Variants in AGAP1 observed in about 807,000 individuals in gnomAD.
The protein encoded by AGAP1 is ArfGAP with GTPase domain, ankyrin repeat and PH domain 1.
AGAP1 carries 29 observed loss-of-function variants against 105.3 expected under a neutral mutation model. The ratio of observed to expected loss-of-function variants is 0.28; its 90% CI spans 0.21 to 0.38. The LOEUF (loss-of-function observed/expected upper bound fraction) is 0.38, where lower values mean the gene tolerates loss of function less well. Among genes scored for constraint, AGAP1 ranks in the 10% least tolerant of loss-of-function variants. The pLI, the probability that AGAP1 is intolerant of heterozygous loss-of-function variation, is 1.00. For missense variants in AGAP1, 998 were observed against 1,165.1 expected, an observed-to-expected ratio of 0.86 and a Z score of 2.09; for synonymous variants, 509 against 485.9, an observed-to-expected ratio of 1.05 and a Z score of -0.63.
rs1403460916 is a variant in AGAP1, at chr2:236,082,297, A to G, written c.2114+33016A>G. Among the ~76,000 whole-genome samples the G allele has an allele frequency of 2.6e-5, 4 of 152,220 alleles. No homozygotes were observed. The highest frequency in any genetic ancestry group is 2.0e-4 in the Admixed American group (3 of 15,280). ...TTGCACTGCGGTTAATTATGGAGCAATCAAACCTTGGCTTTTCCACTGTAA... is the reference window on the plus strand; with the variant it reads ...TTGCACTGCGGTTAATTATGGAGCAGTCAAACCTTGGCTTTTCCACTGTAA... On this transcript the variant is annotated intron_variant, in intron 16 of 17. Coordinates refer to ENST00000304032, the MANE Select transcript of AGAP1 (RefSeq NM_001037131.3). The surrounding 1 kb of genome is among the most constrained non-coding windows in gnomAD (Gnocchi z 4.2).
At chr2:235,616,168 C>T (rs980131942) in intron 1 of AGAP1, among the ~76,000 whole-genome samples, 7 of 152,066 alleles carry the variant, frequency 4.6e-5, no homozygotes, top group Admixed American at 3.3e-4. Context: ...CAAGACCATC[C>T]TGGCCAACAT....
chr2:235,764,800 C>T (rs1210165074), intron 6 of AGAP1, among the ~76,000 whole-genome samples: 1 of 32,300 alleles, frequency 3.1e-5, no homozygotes. Context: ...TGGGAGCGTC[C>T]GTGGGGTTGG....
chr2:235,903,871 A>G (rs1244342670), intron 10 of AGAP1, among the ~76,000 whole-genome samples: 2 of 152,146 alleles, frequency 1.3e-5, no homozygotes, highest in East Asian at 1.9e-4. Context: ...TTCTAGGACA[A>G]CGTGATACAG....
At position 235,557,416 on chromosome 2, in the gene AGAP1, G is replaced by A. The variant is rs957066999; in HGVS notation, c.163+62567G>A. On this transcript the variant is annotated intron_variant, in intron 1 of 17. Coordinates refer to ENST00000304032, the MANE Select transcript of AGAP1 (RefSeq NM_001037131.3). The surrounding 1 kb of genome is among the most constrained non-coding windows in gnomAD (Gnocchi z 4.7). ...AATCACTCCGAAGACGGTGATGCTG[G>A]GTACAGGCTCTGGAGTCATCTTGAT... Among the ~76,000 whole-genome samples, 3 of 152,134 alleles carry A rather than the reference G, an allele frequency of 2.0e-5. No individual in the cohort carries two copies. The highest frequency in any genetic ancestry group is 6.5e-5 in the Admixed American group (1 of 15,280).
chr2:236,116,128 G>T (rs2125958466), intron 16 of AGAP1, among the ~76,000 whole-genome samples: 1 of 151,662 alleles, frequency 6.6e-6, no homozygotes, highest in Middle Eastern at 3.4e-3. Flanking sequence ...TTTTTTGTTT[G>T]TGAAATGGAG....
intron 17 of AGAP1, among the ~76,000 whole-genome samples, chr2:236,122,083 T>G (rs941251967): frequency 7.3e-6 from 1 of 136,144 alleles, no homozygotes; most frequent in Admixed American, 7.2e-5. Flanking sequence ...TCCCAAGTAA[T>G]TGGGACCACA....
chr2:235,840,521 G>A (rs1259080835), intron 9 of AGAP1, among the ~76,000 whole-genome samples: 1 of 152,132 alleles, frequency 6.6e-6, no homozygotes, highest in Non-Finnish European at 1.5e-5. Flanking sequence ...GGTCCGTGTT[G>A]TCCTAGCGGT....
Position 236,012,730 on chromosome 2 carries a change from A to T in AGAP1, c.1646-23831A>T, listed in dbSNP as rs2056557913. ...GTAGACCCGTATCCTTTAACACCGC[A>T]GATGCCTGCTAGTTTAGAGGTTGTT... is the stretch of plus-strand genomic sequence containing the variant. On this transcript the variant is annotated intron_variant, in intron 13 of 17. Transcript: ENST00000304032. The surrounding 1 kb of genome is among the most constrained non-coding windows in gnomAD (Gnocchi z 4.9). Among the ~76,000 whole-genome samples, 3 of 151,836 alleles carry T rather than the reference A, an allele frequency of 2.0e-5. No homozygotes were observed. Among genetic ancestry groups the T allele is most frequent in the Admixed American group, 2.0e-4 (3 of 15,246 alleles).
At chr2:235,832,698 C>T (rs1050349686) in intron 9 of AGAP1, among the ~76,000 whole-genome samples, 6 of 152,332 alleles carry the variant, frequency 3.9e-5, no homozygotes, top group African/African-American at 9.6e-5. Context: ...CTAGGGAAGT[C>T]GTTGCCTGTT....
chr2:235,974,362 A>G (rs2054773379), intron 13 of AGAP1, among the ~76,000 whole-genome samples: 2 of 152,362 alleles, frequency 1.3e-5, no homozygotes, highest in Admixed American at 1.3e-4. Context: ...TATATGGCTC[A>G]TAACATCTAG....
rs528842931 is a variant in AGAP1 at position 235,704,855 on chromosome 2, A to T, written c.164-4324A>T. Among the ~76,000 whole-genome samples the T allele has an allele frequency of 4.0e-3, 605 of 152,118 alleles. 5 individuals carry two copies. Among genetic ancestry groups the T allele is most frequent in the African/African-American group, 0.014 (574 of 41,484 alleles). ...TCCCGCTGTGTCCAGAGGCAGCAGC[A>T]GGGAGAACCTGTCCTGAAGGGCTGC... On this transcript the variant is annotated intron_variant, in intron 1 of 17. Coordinates refer to ENST00000304032, the MANE Select transcript of AGAP1 (RefSeq NM_001037131.3).
At chr2:235,819,177 A>G (rs540672835) in intron 9 of AGAP1, among the ~76,000 whole-genome samples, 176 of 150,764 alleles carry the variant, frequency 1.2e-3, no homozygotes, top group Non-Finnish European at 2.0e-3. Context: ...AAAATGGTGC[A>G]ATATCTTGGC....
intron 1 of AGAP1, among the ~76,000 whole-genome samples, chr2:235,675,035 TA>T (rs1203081593): frequency 1.3e-5 from 2 of 151,914 alleles, no homozygotes; most frequent in Non-Finnish European, 2.9e-5. Context: ...TTTTATTTTT[TA>T]AACCATTTAA....
chr2:236,120,458 G>A lies in AGAP1; in HGVS notation c.2370+11G>A, dbSNP rs371197698. The A allele has an allele frequency of 1.1e-5, 17 of 1,610,918 alleles. No homozygotes were observed. The highest frequency in any genetic ancestry group is 2.1e-4 in the Middle Eastern group (1 of 4,878). On this transcript the variant is annotated intron_variant, in intron 17 of 17. Transcript: ENST00000304032. The surrounding 1 kb of genome is among the most constrained non-coding windows in gnomAD (Gnocchi z 6.0). ...CAGCTCCTGATCTGGGTAGGTGGTC[G>A]GCACGCCTGGCAGAGGACGGGGCCA...
rs879377657 is a variant in AGAP1, at chr2:235,666,212, TA to T, written c.164-42954del. On this transcript the variant is annotated intron_variant, in intron 1 of 17. Transcript: ENST00000304032. ...TAGCAGTGAAATCAACTACATGCTTTAAAAAAAAAAAAATGGTGATATGCTC... is the reference window on the plus strand; with the variant it reads ...TAGCAGTGAAATCAACTACATGCTTTAAAAAAAAAAAATGGTGATATGCTC... Among the ~76,000 whole-genome samples the T allele has an allele frequency of 7.9e-3, 1,134 of 142,838 alleles. 8 individuals are homozygous for T. Among genetic ancestry groups the T allele is most frequent in the African/African-American group, 0.017 (672 of 39,152 alleles). The allele number at this position is 142,838 out of a possible 152,430, so 93.7% of individuals were successfully genotyped here. A position where few individuals can be genotyped will look rare whatever the true frequency, so the allele number is the denominator to read the frequency against.
chr2:235,561,546 G>A (rs1034781529), intron 1 of AGAP1, among the ~76,000 whole-genome samples: 2 of 152,186 alleles, frequency 1.3e-5, no homozygotes, highest in African/African-American at 4.8e-5. Context: ...TTGGGGATGG[G>A]TGTGCCTGGC....
rs1371385802 is a variant in AGAP1 at position 235,700,947 on chromosome 2, TA to T, written c.164-8231del. Among the ~76,000 whole-genome samples the T allele has an allele frequency of 5.0e-4, 73 of 145,880 alleles. No homozygotes were observed. The highest frequency in any genetic ancestry group is 1.2e-4 in the Non-Finnish European group (8 of 67,046). ...ATTACACATGCTAGCATATTTGTAA[TA>T]TATATATTATGTATTATGTATATAT... On this transcript the variant is annotated intron_variant, in intron 1 of 17. Transcript: ENST00000304032. This position sits in a 1 kb window ranked among gnomAD's most constrained non-coding sequence, Gnocchi z 6.1.
Position 235,689,721 on chromosome 2 carries a change from A to G in AGAP1, c.164-19458A>G, listed in dbSNP as rs994858295. On this transcript the variant is annotated intron_variant, in intron 1 of 17. Coordinates refer to ENST00000304032, the MANE Select transcript of AGAP1 (RefSeq NM_001037131.3). This position sits in a 1 kb window ranked among gnomAD's most constrained non-coding sequence, Gnocchi z 4.2. ...GAGAGTTCCACTTTTCAGGACAGTC[A>G]TAGAGCTGCACTGTTGGTAAACTGT... Among the ~76,000 whole-genome samples, 1 of 152,216 alleles carries G rather than the reference A, an allele frequency of 6.6e-6. No individual in the cohort carries two copies. The highest frequency in any genetic ancestry group is 2.4e-5 in the African/African-American group (1 of 41,468).
At chr2:235,704,866 G>A (rs1271684311) in intron 1 of AGAP1, among the ~76,000 whole-genome samples, 1 of 151,812 alleles carries the variant, frequency 6.6e-6, no homozygotes, top group Non-Finnish European at 1.5e-5. Flanking sequence ...GGGAGAACCT[G>A]TCCTGAAGGG....
Sources: gnomAD v4.1 joint callset for allele counts (sites outside exome capture counted in the v4.1 genomes callset) on GRCh38, gnomAD v4.1.1 for gene constraint, Gnocchi (gnomAD v3.1) non-coding constraint, MANE v1.5 for transcripts, NCBI Gene and HGNC (gene_info 2026-07-23, HGNC 2026-07-21) for gene names.